The following FBN2 variants were observed in gnomAD, a reference collection of about 807,000 sequenced individuals.
FBN2 encodes fibrillin 2, also known as fibrillin-2.
A neutral mutation model predicts 355.6 loss-of-function variants in FBN2; 105 were observed. The observed-to-expected ratio is 0.30, with a 90% CI of 0.25 to 0.35. FBN2 has a LOEUF of 0.35. Ranked by LOEUF, FBN2 falls within the 10% of genes least tolerant of loss-of-function variation. FBN2 has a pLI of 1.00. For synonymous variants in FBN2, 1,350 were observed against 1,301.2 expected (o/e 1.04, Z -0.81); for missense variants, 3,280 against 3,758.7 (o/e 0.87, Z 3.33).
At chr5:128,290,560 C>T (rs1254842345) in intron 50 of FBN2, among the ~76,000 whole-genome samples, 172 bp downstream of exon 50, 1 of 152,160 alleles carries the variant, frequency 6.6e-6, no homozygotes, top group East Asian at 1.9e-4. Flanking sequence ...ATGTCTTATT[C>T]AAAAGCTGAA....
At chr5:128,522,159 C>T (rs1756449069) in intron 4 of FBN2, among the ~76,000 whole-genome samples, 1 of 152,034 alleles carries the variant, frequency 6.6e-6, no homozygotes, top group South Asian at 2.1e-4. Flanking sequence ...GATCAAGGGC[C>T]ACTGATACAA....
chr5:128,406,169 G>A (rs750101000), intron 8 of FBN2, among the ~76,000 whole-genome samples: 1 of 152,164 alleles, frequency 6.6e-6, no homozygotes. Context: ...CGGGGGATAC[G>A]TTTTAAGATC....
chr5:128,482,918 C>A (rs899055047), intron 5 of FBN2, among the ~76,000 whole-genome samples: 6 of 152,074 alleles, frequency 3.9e-5, no homozygotes, highest in African/African-American at 1.4e-4. Flanking sequence ...CAGTGCTACT[C>A]ACAATAACAG....
Position 128,350,880 on chromosome 5 carries a change from G to C in FBN2, c.2800C>G (p.Arg934Gly), listed in dbSNP as rs575679542. 2 of 1,614,080 alleles carry C rather than the reference G, an allele frequency of 1.2e-6. No homozygotes were observed. The highest frequency in any genetic ancestry group is 2.2e-5 in the South Asian group (2 of 91,076). ...LGAAWGSPCE[R>G]CELDTACPRG... ...ATAAGGCTCCTACCTAGTTCACACC[G>C]CTCACAGGGGCTCCCCCAGGCGGCT... The change falls in exon 21 of 65, where the codon CGG (arginine) becomes GGG (glycine). Residue 934 changes from arginine (R) to glycine (G), a missense_variant. By Grantham distance (125) the Arg-to-Gly change is moderately radical. Around this residue, in one of 6 missense-constraint regions of FBN2, gnomAD observed 2,284 missense variants for 2,749.5 expected, o/e 0.83. Coordinates refer to ENST00000262464, the MANE Select transcript of FBN2 (RefSeq NM_001999.4).
chr5:128,299,944 T>C (rs1749669256), intron 48 of FBN2, among the ~76,000 whole-genome samples: 1 of 152,178 alleles, frequency 6.6e-6, no homozygotes, highest in South Asian at 2.1e-4. Flanking sequence ...TAATGAACTA[T>C]ACAAATCAGA....
At chr5:128,418,016 T>G (rs1057439904) in intron 7 of FBN2, among the ~76,000 whole-genome samples, 1 of 152,148 alleles carries the variant, frequency 6.6e-6, no homozygotes, top group African/African-American at 2.4e-5. Flanking sequence ...TTATATTGGC[T>G]TGTTCTGGTT....
intron 25 of FBN2, among the ~76,000 whole-genome samples, chr5:128,340,513 C>G (rs1750984534): frequency 6.6e-6 from 1 of 152,120 alleles, no homozygotes; most frequent in Non-Finnish European, 1.5e-5. Flanking sequence ...CTATCAGTAT[C>G]TAGGACTGGT....
At chr5:128,330,225 C>A (rs1205250355) in intron 33 of FBN2, among the ~76,000 whole-genome samples, 1 of 152,148 alleles carries the variant, frequency 6.6e-6, no homozygotes, top group Non-Finnish European at 1.5e-5. Flanking sequence ...CTTACAGTTA[C>A]AGGCAAAAAA....
chr5:128,313,442 T>TA (rs545994166), intron 36 of FBN2, among the ~76,000 whole-genome samples: 266 of 152,254 alleles, frequency 1.7e-3, no homozygotes, highest in Non-Finnish European at 2.0e-3. Context: ...TTAACACATC[T>TA]AAAATCAAAC....
At chr5:128,532,026 C>G (rs1756723248) in intron 2 of FBN2, among the ~76,000 whole-genome samples, 1 of 152,104 alleles carries the variant, frequency 6.6e-6, no homozygotes, top group Non-Finnish European at 1.5e-5. Flanking sequence ...AGAGAAAATA[C>G]AGCCCACTAT....
At chr5:128,408,953 T>G (rs1474044813) in intron 7 of FBN2, among the ~76,000 whole-genome samples, 154 bp from the exon 8 acceptor site, 1 of 152,094 alleles carries the variant, frequency 6.6e-6, no homozygotes, top group Non-Finnish European at 1.5e-5. Flanking sequence ...CCCAAAGAAT[T>G]TCTCACACAT....
intron 8 of FBN2, among the ~76,000 whole-genome samples, chr5:128,398,579 C>A (rs1191430456): frequency 2.6e-5 from 4 of 151,944 alleles, no homozygotes; most frequent in Non-Finnish European, 5.9e-5. Flanking sequence ...ACTGAGTTGG[C>A]AGATATATAT....
Position 128,395,233 on chromosome 5 carries a change from G to A in FBN2, c.1120C>T (p.Arg374Cys), listed in dbSNP as rs759013590. Residue 374 changes from arginine (R) to cysteine (C), a missense_variant, in exon 9 of 65, where the codon CGC becomes TGC. Arg to Cys is a radical substitution (Grantham distance 180). Around this residue, in one of 6 missense-constraint regions of FBN2, gnomAD observed 343 missense variants for 331.0 expected, o/e 1.04. Transcript: ENST00000262464. The part of the protein sequence containing the change: ...GMCFSGLVNG[R>C]CAQELPGRMT... The stretch of plus-strand genomic sequence containing the variant: ...CTCCCCGGGAGCTCTTGTGCACAGC[G>A]GCCATTCACCAGGCCCGAGAAACAC... 10 of 1,613,948 alleles carry A rather than the reference G, an allele frequency of 6.2e-6. No homozygotes were observed. The highest frequency in any genetic ancestry group is 1.7e-5 in the Admixed American group (1 of 59,984).
chr5:128,407,060 T>C (rs1239259904), intron 8 of FBN2, among the ~76,000 whole-genome samples: 1 of 152,178 alleles, frequency 6.6e-6, no homozygotes, highest in Non-Finnish European at 1.5e-5. Flanking sequence ...ATCTTACTTC[T>C]CAAAGCAGGC....
chr5:128,374,444 A>G (rs1462218761), intron 15 of FBN2, among the ~76,000 whole-genome samples, 184 bp downstream of exon 15: 1 of 152,184 alleles, frequency 6.6e-6, no homozygotes, highest in Non-Finnish European at 1.5e-5. Flanking sequence ...ATATGGATGG[A>G]ATCATACACT....
At chr5:128,368,684 T>C (rs962401105) in intron 16 of FBN2, among the ~76,000 whole-genome samples, 1 of 151,818 alleles carries the variant, frequency 6.6e-6, no homozygotes, top group African/African-American at 2.4e-5. Flanking sequence ...GATTGTTTTT[T>C]AAAGAGTCAG....
At position 128,313,876 on chromosome 5, in the gene FBN2, A is replaced by AC. The variant is rs1554120604; in HGVS notation, c.4718-1082dup. 6.1e-4 allele frequency among the ~76,000 whole-genome samples: 91 copies of AC among 149,958 alleles called. 2 individuals carry two copies. Among genetic ancestry groups the AC allele is most frequent in the African/African-American group, 2.1e-3 (83 of 40,380 alleles). ...TCAAAAAAAAAAAAAAAAAAAAAAA[A>AC]CATATCTGGAATCTGTCTACTTACC... On this transcript the variant is annotated intron_variant, in intron 36 of 64. Coordinates refer to ENST00000262464, the MANE Select transcript of FBN2 (RefSeq NM_001999.4).
chr5:128,289,067 T>C, intron 52 of FBN2, 60 bp downstream of exon 52: 2 of 1,588,118 alleles, frequency 1.3e-6, no homozygotes, highest in Non-Finnish European at 1.7e-6. Context: ...AGAGACCTTT[T>C]ACTGAATATG....
intron 5 of FBN2, among the ~76,000 whole-genome samples, chr5:128,514,683 A>G (rs1399644918): frequency 6.6e-6 from 1 of 152,210 alleles, no homozygotes; most frequent in Non-Finnish European, 1.5e-5. Flanking sequence ...TTACTCTTAC[A>G]TCTTGCTTGT....
Sources: gnomAD v4.1 joint callset for allele counts (sites outside exome capture counted in the v4.1 genomes callset) on GRCh38, gnomAD v4.1.1 for gene constraint, gnomAD v4.1.1 regional missense constraint, MANE v1.5 for transcripts, NCBI Gene and HGNC (gene_info 2026-07-23, HGNC 2026-07-21) for gene names.